DNAH12: variants seen among roughly 807,000 people sequenced by gnomAD.
DNAH12 encodes axonemal beta dynein heavy chain 12.
A neutral mutation model predicts 371.5 loss-of-function variants in DNAH12; 285 were observed. The ratio of observed to expected loss-of-function variants is 0.77; its 90% confidence interval spans 0.70 to 0.85. DNAH12 has a LOEUF of 0.85. Ranked by LOEUF, DNAH12 falls within the 40% of genes least tolerant of loss-of-function variation. DNAH12 has a pLI of 0.00. For synonymous variants in DNAH12, 1,200 were observed against 1,213.0 expected, an observed-to-expected ratio of 0.99 and a Z score of 0.22; for missense variants, 3,611 against 3,689.4, an observed-to-expected ratio of 0.98 and a Z score of 0.55.
intron 26 of DNAH12, 94 bp downstream of exon 26, chr3:57,446,443 T>A: frequency 7.0e-7 from 1 of 1,432,730 alleles, no homozygotes; most frequent in Non-Finnish European, 9.3e-7. Flanking sequence ...TCAAACCACA[T>A]TCATGTTTAA....
At position 57,323,186 on chromosome 3, in the gene DNAH12, C is replaced by T; in HGVS notation, c.10204G>A (p.Gly3402Arg). 6.4e-7 allele frequency: 1 copy of T among 1,552,366 alleles called. No individual in the cohort carries two copies. Among genetic ancestry groups the T allele is most frequent in the Non-Finnish European group, 8.7e-7 (1 of 1,147,158 alleles). Residue 3402 changes from glycine to arginine, a missense_variant, in exon 64 of 74, where the codon GGA becomes AGA. Transcript: ENST00000495027. ...FQAISLGQGQ[G>R]PIAAKMIKAA... Reference sequence around the variant, plus strand: ...TTAATCATTTTTGCTGCAATCGGTCCTTGTCCCTGTCCCAGTGAAATAGCT... The same window carrying T: ...TTAATCATTTTTGCTGCAATCGGTCTTTGTCCCTGTCCCAGTGAAATAGCT...
At chr3:57,515,861 C>A (rs571968054) in intron 4 of DNAH12, among the ~76,000 whole-genome samples, 132 of 151,894 alleles carry the variant, frequency 8.7e-4, no homozygotes, top group African/African-American at 3.2e-3. Context: ...CAGGGGAATT[C>A]TTTGTACTCT....
intron 43 of DNAH12, among the ~76,000 whole-genome samples, chr3:57,402,163 T>C (rs782156903): frequency 3.3e-5 from 5 of 152,228 alleles, no homozygotes; most frequent in Non-Finnish European, 4.4e-5. Flanking sequence ...CATGTCTATG[T>C]AGATAGATTT....
At chr3:57,437,111 A>T (rs1368099157) in intron 29 of DNAH12, 51 bp from the exon 30 acceptor site, 4 of 1,127,148 alleles carry the variant, frequency 3.5e-6, no homozygotes, top group African/African-American at 1.6e-5. Flanking sequence ...TATAAATGTC[A>T]TACCTGTCTT....
intron 2 of DNAH12, chr3:57,530,323 C>T: frequency 4.9e-6 from 2 of 409,986 alleles, no homozygotes; most frequent in Admixed American, 3.9e-5. Flanking sequence ...ATTACATAAG[C>T]AAATACAGAA....
In DNAH12 at chr3:57,334,935, C is replaced by T; in HGVS notation, c.9680G>A (p.Arg3227Lys). Residue 3227 changes from arginine to lysine, a missense_variant, in exon 61 of 74, where the codon AGG (arginine) becomes AAG (lysine). Arg to Lys is a conservative substitution (Grantham distance 26, BLOSUM62 2). Coordinates refer to ENST00000495027, the MANE Select transcript of DNAH12 (RefSeq NM_001366028.2). ...FLLCANLLLA[R>K]KEIEYQELMF... ...CAGTTCCTGGTATTCAATCTCTTTC[C>T]TTGCCCTGTATTCCCAAAATAAGGA... is the stretch of plus-strand genomic sequence containing the variant. 1 of 1,544,298 alleles carries T rather than the reference C, an allele frequency of 6.5e-7. No individual in the cohort carries two copies. Among genetic ancestry groups the T allele is most frequent in the Non-Finnish European group, 8.7e-7 (1 of 1,145,322 alleles).
At chr3:57,339,220 C>T (rs1282297420) in intron 60 of DNAH12, among the ~76,000 whole-genome samples, 2 of 152,032 alleles carry the variant, frequency 1.3e-5, no homozygotes, top group African/African-American at 2.4e-5. Context: ...ATCTCAAGTA[C>T]CCAGGGACAC....
At position 57,461,630 on chromosome 3, in the gene DNAH12, A is replaced by G. The variant is rs1027111408; in HGVS notation, c.2595T>C (p.Phe865=). ...CAGTGTCACGATACAGACTTATATG[A>G]AAAGCAATATCTTCCCAAGTTCCTA... The part of the protein sequence containing the change: ...TMIGTWEDIA[F]HISLYRDTGV... Residue 865 remains phenylalanine (F), a synonymous_variant, in exon 19 of 74, where the codon TTT becomes TTC. Coordinates refer to ENST00000495027, the MANE Select transcript of DNAH12 (RefSeq NM_001366028.2). 2 of 1,551,294 alleles carry G rather than the reference A, an allele frequency of 1.3e-6. No individual in the cohort carries two copies. The highest frequency in any genetic ancestry group is 8.7e-7 in the Non-Finnish European group (1 of 1,146,834).
At chr3:57,434,314 G>T (rs888627579) in intron 30 of DNAH12, among the ~76,000 whole-genome samples, 3 of 152,070 alleles carry the variant, frequency 2.0e-5, no homozygotes, top group African/African-American at 7.2e-5. Flanking sequence ...TTCCAAGCAG[G>T]GATAGGTAAT....
At chr3:57,297,045 T>A in intron 70 of DNAH12, 61 bp from the exon 71 acceptor site, 1 of 1,526,582 alleles carries the variant, frequency 6.6e-7, no homozygotes, top group Non-Finnish European at 8.8e-7. Flanking sequence ...TGCCACCTGA[T>A]GTACAATTCC....
Position 57,323,080 on chromosome 3 carries a change from AT to A in DNAH12, c.10309del (p.Ile3437TyrfsTer18). ...GGTTTCAGAGGTAAAATCTTCACATATTTTTTCCAACATGGGCATCCAGGAC... is the reference window on the plus strand; with the variant it reads ...GGTTTCAGAGGTAAAATCTTCACATATTTTTCCAACATGGGCATCCAGGAC... Reference protein sequence around the residue: ...AVSWMPMLEKICEDFTSETCN... With the variant: ...AVSWMPMLEKXCEDFTSETCN... On this transcript the variant is annotated frameshift_variant, in exon 64 of 74. Coordinates refer to ENST00000495027, the MANE Select transcript of DNAH12 (RefSeq NM_001366028.2). LOFTEE classifies it high-confidence loss of function. 1.3e-6 allele frequency: 2 copies of A among 1,552,348 alleles called. No individual in the cohort carries two copies. Among genetic ancestry groups the A allele is most frequent in the South Asian group, 1.2e-5 (1 of 84,054 alleles).
chr3:57,368,464 T>G (rs973607275), intron 55 of DNAH12, among the ~76,000 whole-genome samples: 21 of 151,782 alleles, frequency 1.4e-4, no homozygotes, highest in African/African-American at 4.8e-4. Context: ...ATGAAGAAAT[T>G]CAGTCTCAGG....
Position 57,454,904 on chromosome 3 carries a change from TA to T in DNAH12, c.3337-11del, listed in dbSNP as rs1310125437. 2 of 1,531,838 alleles carry T rather than the reference TA, an allele frequency of 1.3e-6. No homozygotes were observed. The highest frequency in any genetic ancestry group is 1.8e-6 in the Non-Finnish European group (2 of 1,141,514). The allele number at this position is 1,531,838 out of a possible 1,614,324, so 94.9% of individuals were successfully genotyped here. ...CAGATTCTGGATAAGCCTGAACAAT[TA>T]AAATAAATTTCTAACTTTAAAAGCT... On this transcript the variant is annotated splice_polypyrimidine_tract_variant and intron_variant, in intron 22 of 73. Coordinates refer to ENST00000495027, the MANE Select transcript of DNAH12 (RefSeq NM_001366028.2).
At chr3:57,366,550 A>G (rs2063056383) in intron 57 of DNAH12, among the ~76,000 whole-genome samples, 179 bp downstream of exon 57, 1 of 152,192 alleles carries the variant, frequency 6.6e-6, no homozygotes, top group South Asian at 2.1e-4. Flanking sequence ...AAAGCCCAAT[A>G]TAACACGGTT....
intron 1 of DNAH12, among the ~76,000 whole-genome samples, chr3:57,543,315 G>GTTTTTTTTTTTTTTTTTTTT (rs5849214): frequency 1.4e-5 from 1 of 70,286 alleles, no homozygotes; most frequent in African/African-American, 6.3e-5. Context: ...ATCATTAATG[G>GTTTTTTTTTTTTTTTTTTTT]TTTTTTTTTT....
In DNAH12 at chr3:57,483,528, CT is replaced by C; in HGVS notation, c.1515-18del. 6.5e-7 allele frequency: 1 copy of C among 1,536,538 alleles called. No individual in the cohort carries two copies. The highest frequency in any genetic ancestry group is 8.8e-7 in the Non-Finnish European group (1 of 1,142,502). ...CTGCAAATACTGACATAATACTCTG[CT>C]TTAATAGACTTATGGCAATTAATGT... On this transcript the variant is annotated intron_variant, in intron 12 of 73. Transcript: ENST00000495027.
At chr3:57,478,753 G>C (rs1487058801) in intron 13 of DNAH12, among the ~76,000 whole-genome samples, 1 of 152,228 alleles carries the variant, frequency 6.6e-6, no homozygotes, top group African/African-American at 2.4e-5. Flanking sequence ...AGCCAGAAGA[G>C]AGTGGGGGCC....
At chr3:57,522,065 A>G (rs2068469317) in intron 4 of DNAH12, among the ~76,000 whole-genome samples, 1 of 151,650 alleles carries the variant, frequency 6.6e-6, no homozygotes, top group Non-Finnish European at 1.5e-5. Flanking sequence ...CTCTATTAAA[A>G]ATACAAAATT....
intron 32 of DNAH12, among the ~76,000 whole-genome samples, chr3:57,431,488 C>T (rs2064954859): frequency 6.6e-6 from 1 of 152,190 alleles, no homozygotes; most frequent in African/African-American, 2.4e-5. Context: ...CCCACAGCCT[C>T]CAATCCATCC....
Sources: allele counts gnomAD v4.1 joint callset (sites outside exome capture counted in the v4.1 genomes callset), GRCh38; gene constraint gnomAD v4.1.1; transcripts MANE v1.5; gene names NCBI Gene and HGNC (gene_info 2026-07-23, HGNC 2026-07-21).